Variants in RBPJL observed in about 807,000 individuals in gnomAD.
RBPJL encodes the protein recombining binding protein suppressor of hairless-like protein.
A neutral mutation model predicts 57.6 loss-of-function variants in RBPJL; 50 were observed. The ratio of observed to expected loss-of-function variants is 0.87; its 90% CI spans 0.69 to 1.10. The LOEUF (loss-of-function observed/expected upper bound fraction) is 1.10, where lower values mean the gene tolerates loss of function less well. RBPJL is among the 50% of genes least tolerant of loss of function. RBPJL has a pLI of 0.00. For synonymous variants in RBPJL, 303 were observed against 294.4 expected (o/e 1.03, Z -0.30); for missense variants, 684 against 693.7 (o/e 0.99, Z 0.16).
Position 45,316,351 on chromosome 20 carries a change from G to A in RBPJL, c.1176+9G>A, listed in dbSNP as rs199885731. On this transcript the variant is annotated intron_variant, in intron 10 of 11. Transcript: ENST00000343694. ...TCATCAGCACCCTAGAGGTGAAGCC[G>A]GGCGCTAGGGGCGTTGGGCAGGGGG... 1,492 of 1,612,818 alleles carry A rather than the reference G, an allele frequency of 9.3e-4. No individual in the cohort carries two copies. The highest frequency in any genetic ancestry group is 1.2e-3 in the Non-Finnish European group (1,445 of 1,179,150).
intron 6 of RBPJL, 39 bp from the exon 7 acceptor site, chr20:45,313,429 C>T: frequency 6.4e-7 from 1 of 1,557,362 alleles, no homozygotes; most frequent in African/African-American, 1.4e-5. Flanking sequence ...CTAACCCTGA[C>T]CCTCACCCTC....
intron 7 of RBPJL, among the ~76,000 whole-genome samples, 173 bp from the exon 8 acceptor site, chr20:45,313,862 G>A (rs1171726333): frequency 1.3e-5 from 2 of 152,232 alleles, no homozygotes; most frequent in Non-Finnish European, 2.9e-5. Context: ...TTGTGAGGAT[G>A]GCCTCAAATG....
At chr20:45,311,448 G>T (rs894678670) in intron 3 of RBPJL, 141 bp from the exon 4 acceptor site, 9 of 720,096 alleles carry the variant, frequency 1.2e-5, no homozygotes, top group Non-Finnish European at 2.2e-5. Context: ...TATGAATGGG[G>T]TTTACAGTCG....
chr20:45,308,393 T>A, intron 2 of RBPJL, 142 bp downstream of exon 2: 3 of 609,550 alleles, frequency 4.9e-6, no homozygotes, highest in Non-Finnish European at 8.8e-6. Flanking sequence ...CAGGGAGGGA[T>A]CCCCCCTTCC....
rs6104111 is a variant in RBPJL, at chr20:45,311,407, A to G, written c.258-182A>G. ...GTGGACAGGACCTTCTGATGAGTTG[A>G]ATGAGGGGTGTAAAAACAATAAGGT... is the stretch of plus-strand genomic sequence containing the variant. On this transcript the variant is annotated intron_variant, in intron 3 of 11. Coordinates refer to ENST00000343694, the MANE Select transcript of RBPJL (RefSeq NM_014276.4). Among the ~76,000 whole-genome samples the G allele has an allele frequency of 6.1e-3, 932 of 152,128 alleles. 7 individuals are homozygous for G. The highest frequency in any genetic ancestry group is 0.021 in the African/African-American group (860 of 41,460).
Position 45,313,539 on chromosome 20 carries a change from C to T in RBPJL, c.691C>T (p.Leu231Phe). 6.2e-7 allele frequency: 1 copy of T among 1,614,060 alleles called. No homozygotes were observed. Among genetic ancestry groups the T allele is most frequent in the Non-Finnish European group, 8.5e-7 (1 of 1,179,962 alleles). The change falls in exon 7 of 12, where the codon CTC (leucine) becomes TTC (phenylalanine). Residue 231 changes from leucine (L) to phenylalanine (F), a missense_variant. Coordinates refer to ENST00000343694, the MANE Select transcript of RBPJL (RefSeq NM_014276.4). ...LRSQTVSTRY[L>F]SVEDGAFVAS... Reference sequence around the variant, plus strand: ...CTCTCAGACGGTCTCCACACGCTACCTCTCTGTGGAGGATGGGGCCTTTGT... The same window carrying T: ...CTCTCAGACGGTCTCCACACGCTACTTCTCTGTGGAGGATGGGGCCTTTGT...
rs1327007899 is a variant in RBPJL, at chr20:45,311,055, C to T, written c.258-534C>T. On this transcript the variant is annotated intron_variant, in intron 3 of 11. Transcript: ENST00000343694. ...TTGGGGAGGCAGAAGTTGCAGTGAG[C>T]CCAGACAGCCGAGATCAAGTTACTG... Among the ~76,000 whole-genome samples the T allele has an allele frequency of 2.0e-5, 3 of 150,052 alleles. No homozygotes were observed. The South Asian group carries it at 6.3e-4, about 32-fold the overall frequency.
intron 6 of RBPJL, among the ~76,000 whole-genome samples, chr20:45,312,823 G>C (rs2981389): frequency 0.52 from 73,027 of 140,756 alleles, 19,603 homozygotes; most frequent in African/African-American, 0.65. Context: ...AATCTTGTCT[G>C]TACCAAAAAA....
intron 9 of RBPJL, chr20:45,315,805 A>AAAAG (rs372006966): frequency 1.7e-4 from 27 of 162,444 alleles, no homozygotes; most frequent in Middle Eastern, 3.0e-3. Flanking sequence ...GAGAGAAAGA[A>AAAAG]AAAGAAAGAA....
chr20:45,314,128 T>C lies in RBPJL; in HGVS notation c.851T>C (p.Ile284Thr). Residue 284 changes from isoleucine to threonine, a missense_variant, in exon 8 of 12, where the codon ATC (isoleucine) becomes ACC (threonine). Transcript: ENST00000343694. ...LVQLVCTVTG[I>T]TLPPMIIRKV... ...CAGCTCGTCTGCACGGTCACCGGCA[T>C]CACACTACCTCCCATGGTATAGGAA... 1 of 1,613,770 alleles carries C rather than the reference T, an allele frequency of 6.2e-7. No homozygotes were observed. Among genetic ancestry groups the C allele is most frequent in the Non-Finnish European group, 8.5e-7 (1 of 1,179,698 alleles).
At chr20:45,306,977 G>T in intron 1 of RBPJL, 33 bp downstream of exon 1, 1 of 1,241,194 alleles carries the variant, frequency 8.1e-7, no homozygotes, top group Non-Finnish European at 1.0e-6. Flanking sequence ...CCCCGGAGAC[G>T]CCCCGTGAGA....
intron 1 of RBPJL, 57 bp downstream of exon 1, chr20:45,307,001 A>ACCCCCCCCCCCCCCCCCCCCCCC (rs562994913): frequency 1.4e-6 from 1 of 720,926 alleles, no homozygotes; most frequent in African/African-American, 2.8e-5. Flanking sequence ...ACGAAGGACC[A>ACCCCCCCCCCCCCCCCCCCCCCC]CCCCCCCACC....
At chr20:45,314,810 C>T (rs1316782853) in intron 9 of RBPJL, among the ~76,000 whole-genome samples, 3 of 152,016 alleles carry the variant, frequency 2.0e-5, no homozygotes, top group Non-Finnish European at 4.4e-5. Context: ...TAGCCAGGTG[C>T]GGTGGCTCAT....
intron 2 of RBPJL, 90 bp downstream of exon 2, chr20:45,308,341 C>T (rs879143455): frequency 1.7e-5 from 15 of 866,788 alleles, no homozygotes; most frequent in South Asian, 5.6e-5. Context: ...CCAGGGCTGG[C>T]GGGTGGGGAG....
chr20:45,308,889 A>C (rs1403583384), intron 2 of RBPJL, among the ~76,000 whole-genome samples: 3 of 152,092 alleles, frequency 2.0e-5, no homozygotes, highest in African/African-American at 7.2e-5. Flanking sequence ...CTCACTCTGC[A>C]GGACCAATGT....
In RBPJL at chr20:45,316,906, A is replaced by G; in HGVS notation, c.1501A>G (p.Ser501Gly). Residue 501 changes from serine (S) to glycine (G), a missense_variant, in exon 12 of 12, where the codon AGC becomes GGC. Ser to Gly is a moderately conservative substitution (Grantham distance 56, BLOSUM62 0). Transcript: ENST00000343694. ...PATDADALLE[S>G]IHQEFTRTNF... is the part of the protein sequence containing the mutation. ...CACCGACGCCGACGCGCTCCTGGAG[A>G]GCATCCATCAGGAGTTCACGCGCAC... The G allele has an allele frequency of 6.2e-7, 1 of 1,613,298 alleles. No homozygotes were observed. The highest frequency in any genetic ancestry group is 8.5e-7 in the Non-Finnish European group (1 of 1,179,616).
chr20:45,316,959 G>GGC lies in RBPJL; in HGVS notation c.*5_*6dup. ...ACTTCCACCTCTTCATCCAGACTTA[G>GGC]GCGCGCCCGGTAGCCCCGGCTGCCC... On this transcript the variant is annotated 3_prime_UTR_variant, in exon 12 of 12. Transcript: ENST00000343694. 1 of 1,608,402 alleles carries GGC rather than the reference G, an allele frequency of 6.2e-7. No individual in the cohort carries two copies. The highest frequency in any genetic ancestry group is 8.5e-7 in the Non-Finnish European group (1 of 1,175,902).
In RBPJL at chr20:45,316,851, G is replaced by T. The variant is rs1486785873; in HGVS notation, c.1446G>T (p.Arg482=). Residue 482 remains arginine (R), a synonymous_variant, in exon 12 of 12, where the codon CGG becomes CGT. Transcript: ENST00000343694. ...SFTYTPEYSV[R]PGHPGVPEPA... ...CCTACACCCCGGAATACAGCGTGCG[G>T]CCGGGTCACCCCGGCGTCCCCGAGC... 2 of 1,613,796 alleles carry T rather than the reference G, an allele frequency of 1.2e-6. No individual in the cohort carries two copies. Among genetic ancestry groups the T allele is most frequent in the Non-Finnish European group, 1.7e-6 (2 of 1,179,850 alleles).
At chr20:45,314,605 G>A (rs1277545794) in intron 9 of RBPJL, 40 bp downstream of exon 9, 1 of 1,587,370 alleles carries the variant, frequency 6.3e-7, no homozygotes, top group Non-Finnish European at 8.6e-7. Flanking sequence ...GTCCTGGAAA[G>A]GGAGAATGCA....
Sources: allele counts gnomAD v4.1 joint callset (sites outside exome capture counted in the v4.1 genomes callset), GRCh38; gene constraint gnomAD v4.1.1; transcripts MANE v1.5; gene names NCBI Gene and HGNC (gene_info 2026-07-23, HGNC 2026-07-21).